Variants in GPR137C observed in about 807,000 individuals in gnomAD.
GPR137C encodes the protein G protein-coupled receptor 137C.
Under a neutral mutation model 43.4 loss-of-function variants are expected in GPR137C, and 27 were observed. The observed-to-expected ratio is 0.62, with a 90% CI of 0.46 to 0.86. The LOEUF is 0.86. Among genes scored for constraint, GPR137C ranks in the 40% least tolerant of loss-of-function variants. The pLI, the probability that GPR137C is intolerant of heterozygous loss-of-function variation, is 0.00. For missense variants in GPR137C, 522 were observed against 534.6 expected, an observed-to-expected ratio of 0.98 and a Z score of 0.23; for synonymous variants, 285 against 226.9, an observed-to-expected ratio of 1.26 and a Z score of -2.30.
intron 3 of GPR137C, among the ~76,000 whole-genome samples, chr14:52,623,409 A>G (rs1489201741): frequency 6.6e-6 from 1 of 152,162 alleles, no homozygotes; most frequent in Non-Finnish European, 1.5e-5. Flanking sequence ...AATGCGATAT[A>G]ATAACTTAGC....
chr14:52,580,789 A>G (rs573149809), intron 1 of GPR137C, among the ~76,000 whole-genome samples: 1 of 145,294 alleles, frequency 6.9e-6, no homozygotes, highest in African/African-American at 2.5e-5. Flanking sequence ...TATCTACTAA[A>G]TATATTTATA....
At position 52,553,514 on chromosome 14, in the gene GPR137C, C is replaced by T; in HGVS notation, c.367C>T (p.Pro123Ser). The stretch of plus-strand genomic sequence containing the variant: ...GCCGCCCGCTCACCTGCACTTCTTC[C>T]CCCACTGGCTGCTCTACTGCTTCCC... ...LRPPAHLHFF[P>S]HWLLYCFPSC... The change falls in exon 1 of 7, where the codon CCC (proline) becomes TCC (serine). Residue 123 changes from proline to serine, a missense_variant. By Grantham distance (74) the Pro-to-Ser change is moderately conservative. This residue lies in a region of GPR137C where 437 missense variants were observed against 425.7 expected (regional missense o/e 1.03). Coordinates refer to ENST00000321662, the MANE Select transcript of GPR137C (RefSeq NM_001099652.2). 1 of 1,609,450 alleles carries T rather than the reference C, an allele frequency of 6.2e-7. No homozygotes were observed.
rs2039323329 is a variant in GPR137C at position 52,633,964 on chromosome 14, A to G, written c.1112+18A>G. On this transcript the variant is annotated intron_variant, in intron 6 of 6. Transcript: ENST00000321662. ...GAAGGAAGGTAGATGTAACAAAGCC[A>G]CTTAGCCTGAATTACTATTGAAATT... The G allele has an allele frequency of 2.9e-6, 4 of 1,362,314 alleles. No individual in the cohort carries two copies. Among genetic ancestry groups the G allele is most frequent in the Non-Finnish European group, 1.0e-6 (1 of 953,630 alleles). 84.4% of individuals were successfully genotyped at this position (1,362,314 alleles called of 1,614,324 possible).
intron 3 of GPR137C, among the ~76,000 whole-genome samples, chr14:52,608,592 A>G (rs189192877): frequency 6.6e-6 from 1 of 152,312 alleles, no homozygotes; most frequent in East Asian, 1.9e-4. Context: ...CTGTGGTTTA[A>G]AAAAATTCCC....
intron 3 of GPR137C, chr14:52,611,607 TTAAC>T (rs1229723820): frequency 1.9e-6 from 1 of 513,318 alleles, no homozygotes; most frequent in African/African-American, 2.1e-5. Flanking sequence ...TGAAGTAAAA[TTAAC>T]CAACTTTTTT....
intron 3 of GPR137C, among the ~76,000 whole-genome samples, chr14:52,626,886 T>C (rs2039233726): frequency 6.6e-6 from 1 of 152,088 alleles, no homozygotes; most frequent in Non-Finnish European, 1.5e-5. Context: ...AAAAAAGATA[T>C]TTAGGAATAA....
At chr14:52,581,172 G>T (rs1020163037) in intron 1 of GPR137C, among the ~76,000 whole-genome samples, 18 of 148,530 alleles carry the variant, frequency 1.2e-4, no homozygotes, top group Non-Finnish European at 2.7e-4. Flanking sequence ...CTCCAGCCTC[G>T]GTGACAGAGT....
chr14:52,559,588 A>C (rs1026477007), intron 1 of GPR137C, among the ~76,000 whole-genome samples: 3 of 152,218 alleles, frequency 2.0e-5, no homozygotes, highest in African/African-American at 7.2e-5. Context: ...CAAAAAGCCT[A>C]TAGCTGATAT....
chr14:52,553,549 CCA>C lies in GPR137C; in HGVS notation c.403_404del (p.Gln135ValfsTer17). ...WLLYCFPSCL[Q>X]FSTLCLLNLY... ...TGCTCTACTGCTTCCCCTCCTGTCT[CCA>C]GTTCTCCACGCTCTGTCTCCTCAAC... On this transcript the variant is annotated frameshift_variant, in exon 1 of 7. Coordinates refer to ENST00000321662, the MANE Select transcript of GPR137C (RefSeq NM_001099652.2). LOFTEE classifies it high-confidence loss of function. The C allele has an allele frequency of 8.1e-6, 13 of 1,608,008 alleles. No individual in the cohort carries two copies. Among genetic ancestry groups the C allele is most frequent in the Non-Finnish European group, 1.0e-5 (12 of 1,178,812 alleles).
chr14:52,567,116 AAAAAG>A (rs1040779104), intron 1 of GPR137C, among the ~76,000 whole-genome samples: 110 of 152,300 alleles, frequency 7.2e-4, no homozygotes, highest in African/African-American at 2.6e-3. Context: ...CCGTCTGAAA[AAAAAG>A]AAAAGAACTC....
chr14:52,590,896 A>G (rs1009403608), intron 1 of GPR137C, among the ~76,000 whole-genome samples: 1 of 152,144 alleles, frequency 6.6e-6, no homozygotes, highest in Non-Finnish European at 1.5e-5. Flanking sequence ...GGTTTGTTAC[A>G]TAGGTATACA....
intron 3 of GPR137C, among the ~76,000 whole-genome samples, chr14:52,621,824 TTTTG>T (rs1274757225): frequency 1.3e-5 from 2 of 151,686 alleles, no homozygotes; most frequent in African/African-American, 4.8e-5. Flanking sequence ...GCCAGAGAGC[TTTTG>T]TTTGTGTATA....
intron 1 of GPR137C, among the ~76,000 whole-genome samples, chr14:52,568,781 G>A (rs1168164700): frequency 6.6e-6 from 1 of 152,238 alleles, no homozygotes; most frequent in Non-Finnish European, 1.5e-5. Flanking sequence ...TGAAAGAAAG[G>A]CAGCAGCCCC....
intron 1 of GPR137C, among the ~76,000 whole-genome samples, chr14:52,596,059 C>A (rs1423764924): frequency 6.6e-6 from 1 of 152,124 alleles, no homozygotes; most frequent in Non-Finnish European, 1.5e-5. Flanking sequence ...ATTAGTTTTC[C>A]TTCTAACAGT....
chr14:52,586,598 A>C (rs983448142), intron 1 of GPR137C, among the ~76,000 whole-genome samples: 7 of 151,244 alleles, frequency 4.6e-5, no homozygotes, highest in Non-Finnish European at 1.0e-4. Flanking sequence ...CCTTTTCTTT[A>C]CTCTTGTGCT....
Position 52,593,378 on chromosome 14 carries a change from A to G in GPR137C, c.445-4894A>G, listed in dbSNP as rs543454091. On this transcript the variant is annotated intron_variant, in intron 1 of 6. Coordinates refer to ENST00000321662, the MANE Select transcript of GPR137C (RefSeq NM_001099652.2). ...GTTAGGGAGGAGTCCCTCTTTTTCT[A>G]TTGATTGGAATAGTTCAGAAGGAAT... Among the ~76,000 whole-genome samples, 148 of 152,072 alleles carry G rather than the reference A, an allele frequency of 9.7e-4. 1 individual carries two copies. The highest frequency in any genetic ancestry group is 2.8e-3 in the African/African-American group (116 of 41,478).
chr14:52,560,804 A>C (rs2038271240), intron 1 of GPR137C, among the ~76,000 whole-genome samples: 1 of 152,222 alleles, frequency 6.6e-6, no homozygotes, highest in Non-Finnish European at 1.5e-5. Context: ...AAGACAGAAG[A>C]TGTTTTCTTG....
chr14:52,620,850 A>G (rs1430640074), intron 3 of GPR137C, among the ~76,000 whole-genome samples: 5 of 152,000 alleles, frequency 3.3e-5, no homozygotes, highest in Non-Finnish European at 5.9e-5. Context: ...CTTAAAGATA[A>G]ATCAATAAAA....
chr14:52,560,114 A>G (rs1422567512), intron 1 of GPR137C, among the ~76,000 whole-genome samples: 1 of 152,192 alleles, frequency 6.6e-6, no homozygotes, highest in Non-Finnish European at 1.5e-5. Context: ...CCAAGGTTGC[A>G]CCACTGCACT....
Sources: gnomAD v4.1 joint callset for allele counts (sites outside exome capture counted in the v4.1 genomes callset) on GRCh38, gnomAD v4.1.1 for gene constraint, gnomAD v4.1.1 regional missense constraint, MANE v1.5 for transcripts, NCBI Gene and HGNC (gene_info 2026-07-23, HGNC 2026-07-21) for gene names.